Variants in DOCK2 observed in about 807,000 individuals in gnomAD.
The protein encoded by DOCK2 is dedicator of cytokinesis protein 2.
Under a neutral mutation model 248.9 loss-of-function variants are expected in DOCK2, and 87 were observed. That is an observed-to-expected ratio of 0.35 (90% CI 0.29 to 0.42). The LOEUF (loss-of-function observed/expected upper bound fraction) is 0.42, where lower values mean the gene tolerates loss of function less well. Ranked by LOEUF, DOCK2 falls within the 10% of genes least tolerant of loss-of-function variation. DOCK2 has a pLI of 1.00. For missense variants in DOCK2, 1,747 were observed against 2,300.2 expected (o/e 0.76, Z 4.92); for synonymous variants, 805 against 821.6 (o/e 0.98, Z 0.35).
chr5:170,017,863 A>G (rs1404744377), intron 32 of DOCK2, among the ~76,000 whole-genome samples: 1 of 152,244 alleles, frequency 6.6e-6, no homozygotes, highest in African/African-American at 2.4e-5. Context: ...TGCTAAGTAC[A>G]TGCGGACATA....
chr5:169,894,151 C>T lies in DOCK2; in HGVS notation c.2799+53299C>T, dbSNP rs180979913. Reference sequence around the variant, plus strand: ...TTTTAGATTTACTAGCCCTTTTCCACCTCACAACAAGTTTTGCCAAGACTA... The same window carrying T: ...TTTTAGATTTACTAGCCCTTTTCCATCTCACAACAAGTTTTGCCAAGACTA... On this transcript the variant is annotated intron_variant, in intron 27 of 51. Transcript: ENST00000520908. Among the ~76,000 whole-genome samples, 657 of 152,276 alleles carry T rather than the reference C, an allele frequency of 4.3e-3. 7 individuals carry two copies. The highest frequency in any genetic ancestry group is 0.015 in the African/African-American group (616 of 41,542).
chr5:169,939,900 G>A (rs1334695952), intron 27 of DOCK2, among the ~76,000 whole-genome samples: 1 of 152,142 alleles, frequency 6.6e-6, no homozygotes, highest in African/African-American at 2.4e-5. Flanking sequence ...CACAAGAGTT[G>A]ATCATTTCCC....
At chr5:170,021,518 C>G (rs79155764) in intron 33 of DOCK2, among the ~76,000 whole-genome samples, 9,025 of 152,198 alleles carry the variant, frequency 0.059, 709 homozygotes, top group African/African-American at 0.18. Flanking sequence ...GAGTTTCACT[C>G]TAGTGTGATT....
intron 13 of DOCK2, among the ~76,000 whole-genome samples, chr5:169,700,931 GA>G (rs1760932719): frequency 7.8e-6 from 1 of 128,702 alleles, no homozygotes; most frequent in African/African-American, 2.8e-5. Flanking sequence ...GAAAAGACAA[GA>G]AAAAGAAGGA....
chr5:169,945,700 C>T (rs762529029), intron 27 of DOCK2, among the ~76,000 whole-genome samples: 1 of 152,164 alleles, frequency 6.6e-6, no homozygotes, highest in African/African-American at 2.4e-5. Flanking sequence ...TGGATGTGCT[C>T]CTCCCGCTTA....
intron 10 of DOCK2, among the ~76,000 whole-genome samples, chr5:169,697,919 A>G (rs1760726632): frequency 6.6e-6 from 1 of 152,164 alleles, no homozygotes; most frequent in African/African-American, 2.4e-5. Context: ...AGGATTCTTC[A>G]GTTATGTATC....
At chr5:169,661,492 A>T (rs1758444614) in intron 2 of DOCK2, among the ~76,000 whole-genome samples, 1 of 152,202 alleles carries the variant, frequency 6.6e-6, no homozygotes, top group Non-Finnish European at 1.5e-5. Flanking sequence ...ATCATTTAGC[A>T]GAAAGCTCAA....
At chr5:170,013,774 TAAC>T (rs771956519) in intron 32 of DOCK2, among the ~76,000 whole-genome samples, 1 of 152,134 alleles carries the variant, frequency 6.6e-6, no homozygotes, top group Non-Finnish European at 1.5e-5. Context: ...TGGTGATTTA[TAAC>T]AACAGCTGTA....
intron 29 of DOCK2, among the ~76,000 whole-genome samples, chr5:169,986,327 T>C (rs966592582): frequency 6.6e-6 from 1 of 152,248 alleles, no homozygotes; most frequent in Non-Finnish European, 1.5e-5. Flanking sequence ...GCAGGACTTC[T>C]TCAAGCTTTT....
At chr5:169,971,428 CT>C (rs34124700) in intron 27 of DOCK2, among the ~76,000 whole-genome samples, 45,273 of 134,778 alleles carry the variant, frequency 0.34, 7,553 homozygotes, top group Admixed American at 0.38. Flanking sequence ...CTCCTAGAGC[CT>C]TTTTTTTTTT....
intron 22 of DOCK2, among the ~76,000 whole-genome samples, chr5:169,738,625 TCA>T (rs971209953): frequency 2.3e-4 from 35 of 152,308 alleles, no homozygotes; most frequent in African/African-American, 8.2e-4. Context: ...CATTTTCAAC[TCA>T]GGTGCTTAAA....
intron 6 of DOCK2, 32 bp from the exon 7 acceptor site, chr5:169,681,712 A>G: frequency 6.2e-7 from 1 of 1,609,498 alleles, no homozygotes. Flanking sequence ...TTCTCCCCTG[A>G]TTTGTCTTCA....
intron 22 of DOCK2, among the ~76,000 whole-genome samples, chr5:169,719,926 A>C (rs1762102907): frequency 6.6e-6 from 1 of 152,176 alleles, no homozygotes; most frequent in Non-Finnish European, 1.5e-5. Flanking sequence ...CTCTTAAAAA[A>C]AAAAAAAAGA....
chr5:169,773,082 C>A (rs1185421134), intron 25 of DOCK2: 1 of 152,224 alleles, frequency 6.6e-6, no homozygotes, highest in Non-Finnish European at 1.5e-5. Context: ...AGCACCAAAA[C>A]GTCCCTTCCA....
intron 22 of DOCK2, among the ~76,000 whole-genome samples, chr5:169,732,638 A>G (rs780675726): frequency 3.3e-5 from 5 of 152,196 alleles, no homozygotes; most frequent in Non-Finnish European, 7.3e-5. Flanking sequence ...GTTACTCCAC[A>G]TATGGTCCAC....
chr5:170,011,942 TAAAC>T (rs1755313928), intron 32 of DOCK2, among the ~76,000 whole-genome samples: 1 of 152,194 alleles, frequency 6.6e-6, no homozygotes, highest in Non-Finnish European at 1.5e-5. Context: ...GGTTTCTTGT[TAAAC>T]AAGAAAATTA....
At chr5:169,861,934 T>G (rs989457473) in intron 27 of DOCK2, among the ~76,000 whole-genome samples, 9 of 127,932 alleles carry the variant, frequency 7.0e-5, no homozygotes, top group African/African-American at 2.0e-4. Flanking sequence ...TTTTCTTTTC[T>G]TTTCTTTTTT....
At chr5:169,703,054 A>G (rs940896015) in intron 14 of DOCK2, among the ~76,000 whole-genome samples, 1 of 152,022 alleles carries the variant, frequency 6.6e-6, no homozygotes, top group Non-Finnish European at 1.5e-5. Context: ...ATTTGCTTGT[A>G]TTTTCTTTAA....
intron 26 of DOCK2, among the ~76,000 whole-genome samples, chr5:169,837,777 C>A (rs1769680821): frequency 6.6e-6 from 1 of 152,132 alleles, no homozygotes; most frequent in African/African-American, 2.4e-5. Context: ...TCTCTAATCT[C>A]AAAACACTCT....
Sources: gnomAD v4.1 joint callset for allele counts (sites outside exome capture counted in the v4.1 genomes callset) on GRCh38, gnomAD v4.1.1 for gene constraint, MANE v1.5 for transcripts, NCBI Gene and HGNC (gene_info 2026-07-23, HGNC 2026-07-21) for gene names.